Variants in CSMD1 observed in about 807,000 individuals in gnomAD.
CSMD1 encodes the protein CUB and sushi domain-containing protein 1.
In CSMD1, 213 loss-of-function variants were observed where a neutral mutation model predicts 417.5. That is an observed-to-expected ratio of 0.51 (90% confidence interval 0.46 to 0.57). The LOEUF is 0.57. Among genes scored for constraint, CSMD1 ranks in the 20% least tolerant of loss-of-function variants. The pLI is 0.00. For synonymous variants in CSMD1, 2,862 were observed against 1,736.8 expected (o/e 1.65, Z -16.11); for missense variants, 6,923 against 4,529.7 (o/e 1.53, Z -15.17).
intron 5 of CSMD1, among the ~76,000 whole-genome samples, chr8:3,800,829 T>C (rs2219985): frequency 0.15 from 22,313 of 152,076 alleles, 3,335 homozygotes; most frequent in African/African-American, 0.38. Context: ...ACCTTCTTCA[T>C]CATGTTTTGA....
At chr8:3,303,776 G>C (rs1209076373) in intron 25 of CSMD1, among the ~76,000 whole-genome samples, 2 of 152,132 alleles carry the variant, frequency 1.3e-5, no homozygotes, top group Non-Finnish European at 2.9e-5. Flanking sequence ...GGATCTCTTA[G>C]AGAAATATTA....
At chr8:3,733,901 T>C (rs909031973) in intron 6 of CSMD1, among the ~76,000 whole-genome samples, 1 of 152,126 alleles carries the variant, frequency 6.6e-6, no homozygotes, top group African/African-American at 2.4e-5. Flanking sequence ...GAGAAAAGCA[T>C]AGTTTATGTA....
intron 25 of CSMD1, among the ~76,000 whole-genome samples, chr8:3,301,916 G>C (rs1014704373): frequency 6.6e-6 from 1 of 152,128 alleles, no homozygotes; most frequent in Non-Finnish European, 1.5e-5. Flanking sequence ...AAATGACAGG[G>C]CTTTGTTTTC....
Position 4,156,348 on chromosome 8 carries a change from G to A in CSMD1, c.416-124249C>T, listed in dbSNP as rs147915448. On this transcript the variant is annotated intron_variant, in intron 3 of 69. Transcript: ENST00000635120. ...GCCGTGCAAAGTTTATGTTCTCTCT[G>A]GTTTTGATAAAACTTAAATGAATGC... Among the ~76,000 whole-genome samples the A allele has an allele frequency of 2.0e-4, 31 of 152,142 alleles. 1 individual carries two copies. In the East Asian group the frequency reaches 2.5e-3, roughly 12 times the overall value.
At chr8:3,261,578 C>G (rs943767606) in intron 26 of CSMD1, among the ~76,000 whole-genome samples, 2 of 152,076 alleles carry the variant, frequency 1.3e-5, no homozygotes, top group Non-Finnish European at 2.9e-5. Flanking sequence ...TCATAGGAGT[C>G]CCAATCTGGA....
At chr8:4,902,788 A>G (rs930378) in intron 1 of CSMD1, among the ~76,000 whole-genome samples, 131,249 of 151,828 alleles carry the variant, frequency 0.86, 56,806 homozygotes, top group East Asian at 0.97. Context: ...CAGTAAACAC[A>G]GTTACCAGGT....
chr8:4,619,768 C>G (rs191106925), intron 2 of CSMD1, among the ~76,000 whole-genome samples: 1 of 152,054 alleles, frequency 6.6e-6, no homozygotes, highest in Non-Finnish European at 1.5e-5. Flanking sequence ...GAAAACCAGG[C>G]ATGTCCTCAC....
chr8:4,833,453 G>C (rs769273734), intron 1 of CSMD1, among the ~76,000 whole-genome samples: 1 of 152,144 alleles, frequency 6.6e-6, no homozygotes, highest in South Asian at 2.1e-4. Context: ...CCTCTCACTA[G>C]GACCCTACCT....
At chr8:3,744,594 G>A (rs1796976257) in intron 6 of CSMD1, among the ~76,000 whole-genome samples, 1 of 152,056 alleles carries the variant, frequency 6.6e-6, no homozygotes, top group South Asian at 2.1e-4. Flanking sequence ...GTGGATGACT[G>A]TGGTGGACAG....
At chr8:4,172,756 C>T (rs1287090676) in intron 3 of CSMD1, among the ~76,000 whole-genome samples, 4 of 152,154 alleles carry the variant, frequency 2.6e-5, no homozygotes, top group South Asian at 4.1e-4. Flanking sequence ...GTGGCTTCCA[C>T]CTCTTTCTTG....
chr8:3,916,427 G>A (rs955391228), intron 5 of CSMD1, among the ~76,000 whole-genome samples: 1 of 152,098 alleles, frequency 6.6e-6, no homozygotes, highest in East Asian at 1.9e-4. Context: ...CTTAACAAAT[G>A]ACAAAACACT....
rs150445012 is a variant in CSMD1, at chr8:3,038,497, A to T, written c.7661-8984T>A. Among the ~76,000 whole-genome samples the T allele has an allele frequency of 7.4e-5, 11 of 148,674 alleles. No homozygotes were observed. In the East Asian group the frequency reaches 2.1e-3, roughly 29 times the overall value. ...ATTACTGGTGGCTCTCTTTGAAAAG[A>T]TTGTTTCCTTATTTACTTCTAAAAC... On this transcript the variant is annotated intron_variant, in intron 50 of 69. Transcript: ENST00000635120.
chr8:3,882,503 T>C (rs951022749), intron 5 of CSMD1, among the ~76,000 whole-genome samples: 1 of 152,220 alleles, frequency 6.6e-6, no homozygotes. Flanking sequence ...AGACTCTCTC[T>C]GCCTCGGTTG....
intron 3 of CSMD1, among the ~76,000 whole-genome samples, chr8:4,208,759 G>A (rs773310384): frequency 6.6e-6 from 1 of 152,292 alleles, no homozygotes; most frequent in East Asian, 1.9e-4. Flanking sequence ...TATTGTCGTG[G>A]AAATTTTGTA....
intron 3 of CSMD1, among the ~76,000 whole-genome samples, chr8:4,164,665 T>A (rs983194634): frequency 6.6e-6 from 1 of 152,132 alleles, no homozygotes; most frequent in African/African-American, 2.4e-5. Context: ...CACGATTGAA[T>A]TTTGAGAATA....
chr8:4,463,603 C>G (rs781687256), intron 2 of CSMD1, among the ~76,000 whole-genome samples: 1 of 152,168 alleles, frequency 6.6e-6, no homozygotes, highest in Non-Finnish European at 1.5e-5. Context: ...ATTTATTCCA[C>G]AACCTGACAA....
At chr8:4,688,938 T>A (rs912710558) in intron 1 of CSMD1, among the ~76,000 whole-genome samples, 1 of 152,238 alleles carries the variant, frequency 6.6e-6, no homozygotes, top group African/African-American at 2.4e-5. Flanking sequence ...GCATTCACTT[T>A]CTTATTTTTC....
chr8:3,224,200 G>A (rs752215231), intron 27 of CSMD1, among the ~76,000 whole-genome samples: 64 of 152,130 alleles, frequency 4.2e-4, no homozygotes, highest in Non-Finnish European at 6.9e-4. Context: ...ACCTGCCAAC[G>A]TGCACACATG....
At chr8:3,065,733 A>G (rs1812898651) in intron 49 of CSMD1, among the ~76,000 whole-genome samples, 2 of 152,226 alleles carry the variant, frequency 1.3e-5, no homozygotes, top group Admixed American at 1.3e-4. Flanking sequence ...CCTACAAAGC[A>G]TCTGATAAGT....
Sources: gnomAD v4.1 joint callset for allele counts (sites outside exome capture counted in the v4.1 genomes callset) on GRCh38, gnomAD v4.1.1 for gene constraint, MANE v1.5 for transcripts, NCBI Gene and HGNC (gene_info 2026-07-23, HGNC 2026-07-21) for gene names.